DENND3: variants seen among roughly 807,000 people sequenced by gnomAD.
DENND3 encodes the protein DENN domain containing 3, also known as DENN domain-containing protein 3.
A neutral mutation model predicts 135.1 loss-of-function variants in DENND3; 88 were observed. That is an observed-to-expected ratio of 0.65 (90% CI 0.55 to 0.78). The LOEUF (loss-of-function observed/expected upper bound fraction) is 0.78, where lower values mean the gene tolerates loss of function less well. DENND3 is among the 30% of genes least tolerant of loss of function. DENND3 has a pLI of 0.00. For missense variants in DENND3, 1,392 were observed against 1,688.4 expected (o/e 0.82, Z 3.08); for synonymous variants, 693 against 712.3 (o/e 0.97, Z 0.43).
In DENND3 at chr8:141,168,624, C is replaced by T; in HGVS notation, c.2275+99C>T. On this transcript the variant is annotated intron_variant, in intron 13 of 22. Transcript: ENST00000519811. This position sits in a 1 kb window ranked among gnomAD's most constrained non-coding sequence, Gnocchi z 6.2. Reference sequence around the variant, plus strand: ...GTGGACTGGCAATCACAGCTCACTGCAACCTCCACCTCCTGGGCTCAAGCA... The same window carrying T: ...GTGGACTGGCAATCACAGCTCACTGTAACCTCCACCTCCTGGGCTCAAGCA... The T allele has an allele frequency of 7.1e-7, 1 of 1,404,722 alleles. No homozygotes were observed. The highest frequency in any genetic ancestry group is 9.5e-7 in the Non-Finnish European group (1 of 1,050,118). The allele number at this position is 1,404,722 out of a possible 1,614,324, so 87.0% of individuals were successfully genotyped here.
rs1186304338 is a variant in DENND3, at chr8:141,190,116, AGG to A, written c.3246-167_3246-166del. 9.9e-3 allele frequency among the ~76,000 whole-genome samples: 1,469 copies of A among 149,014 alleles called. 13 individuals are homozygous for A. Among genetic ancestry groups the A allele is most frequent in the South Asian group, 0.029 (135 of 4,708 alleles). On this transcript the variant is annotated intron_variant, in intron 19 of 22. Coordinates refer to ENST00000519811, the MANE Select transcript of DENND3 (RefSeq NM_001352890.3). ...GTTTGCATGTTATTATCATGTTTGC[AGG>A]TTACGTTTGCAGGTTATTATGTTTG... is the stretch of plus-strand genomic sequence containing the variant.
intron 15 of DENND3, chr8:141,177,402 CAGAA>C (rs1822528712): frequency 6.5e-6 from 1 of 152,698 alleles, no homozygotes; most frequent in Non-Finnish European, 1.5e-5. Context: ...GCGGAACTCA[CAGAA>C]AGGGAACAGT....
At chr8:141,180,897 A>G (rs1244694098) in intron 17 of DENND3, 43 bp downstream of exon 17, 1 of 1,534,648 alleles carries the variant, frequency 6.5e-7, no homozygotes, top group Admixed American at 1.7e-5. Flanking sequence ...TTTTCAGCCA[A>G]TCTGATGCGC....
At chr8:141,190,595 G>C in intron 20 of DENND3, 178 bp downstream of exon 20, 2 of 985,126 alleles carry the variant, frequency 2.0e-6, no homozygotes, top group Non-Finnish European at 2.8e-6. Flanking sequence ...TGCTGCTCCT[G>C]GGGGCTCCCC....
At position 141,190,276 on chromosome 8, in the gene DENND3, G is replaced by T; in HGVS notation, c.3246-8G>T. ...TTAAAGGTGTGTGTGTGTGTTTTGTGCCCCCAGCAACGTGTACTCGTGCAG... is the reference window on the plus strand; with the variant it reads ...TTAAAGGTGTGTGTGTGTGTTTTGTTCCCCCAGCAACGTGTACTCGTGCAG... On this transcript the variant is annotated splice_polypyrimidine_tract_variant and splice_region_variant and intron_variant, in intron 19 of 22. Coordinates refer to ENST00000519811, the MANE Select transcript of DENND3 (RefSeq NM_001352890.3). 6.3e-7 allele frequency: 1 copy of T among 1,578,710 alleles called. No individual in the cohort carries two copies.
chr8:141,133,999 G>A (rs893218980), intron 1 of DENND3, among the ~76,000 whole-genome samples: 1 of 152,026 alleles, frequency 6.6e-6, no homozygotes, highest in Non-Finnish European at 1.5e-5. Flanking sequence ...CCTGGGAGTC[G>A]CAACCTGTGA....
At chr8:141,157,682 GA>G (rs1333101370) in intron 8 of DENND3, 1 of 985,732 alleles carries the variant, frequency 1.0e-6, no homozygotes, top group African/African-American at 1.7e-5. Context: ...TGGCTTTTCT[GA>G]TTTCTGACTC....
Position 141,137,206 on chromosome 8 carries a change from T to C in DENND3, c.385+415T>C, listed in dbSNP as rs1370294474. On this transcript the variant is annotated intron_variant, in intron 2 of 22. Coordinates refer to ENST00000519811, the MANE Select transcript of DENND3 (RefSeq NM_001352890.3). This position sits in a 1 kb window ranked among gnomAD's most constrained non-coding sequence, Gnocchi z 4.1. ...TGTTGGCCAGGCTGGTCTTGAACTC[T>C]TGGCCTCAAGTGATCCACCTGCCTT... is the stretch of plus-strand genomic sequence containing the variant. Among the ~76,000 whole-genome samples, 1 of 152,076 alleles carries C rather than the reference T, an allele frequency of 6.6e-6. No individual in the cohort carries two copies. Among genetic ancestry groups the C allele is most frequent in the Non-Finnish European group, 1.5e-5 (1 of 68,014 alleles).
At position 141,190,287 on chromosome 8, in the gene DENND3, C is replaced by T. The variant is rs768103563; in HGVS notation, c.3249C>T (p.Asn1083=). Residue 1083 remains asparagine, a synonymous_variant, in exon 20 of 23, where the codon AAC becomes AAT. Coordinates refer to ENST00000519811, the MANE Select transcript of DENND3 (RefSeq NM_001352890.3). ...TGTGTGTGTTTTGTGCCCCCAGCAA[C>T]GTGTACTCGTGCAGCATGGACGGCA... is the stretch of plus-strand genomic sequence containing the variant. ...IVQDGQEAPS[N]VYSCSMDGMV... The T allele has an allele frequency of 3.8e-6, 6 of 1,589,732 alleles. No homozygotes were observed. The highest frequency in any genetic ancestry group is 2.7e-5 in the African/African-American group (2 of 74,424).
intron 16 of DENND3, among the ~76,000 whole-genome samples, chr8:141,179,240 G>C (rs1278165155): frequency 6.6e-6 from 1 of 152,232 alleles, no homozygotes; most frequent in Non-Finnish European, 1.5e-5. Context: ...TGCAAGGCCA[G>C]CTGAGTGGCT....
At chr8:141,142,090 A>C in intron 4 of DENND3, 1 of 304,688 alleles carries the variant, frequency 3.3e-6, no homozygotes, top group Non-Finnish European at 6.4e-6. Context: ...TGGTGAGTAG[A>C]AAGGCTGAGG....
At position 141,174,134 on chromosome 8, in the gene DENND3, G is replaced by A. The variant is rs531557535; in HGVS notation, c.2276-1066G>A. ...AGTGTGTGTGTGCGTGTAACAACAC[G>A]ACCTGTTTGGGAGCATGCTTGGTAC... On this transcript the variant is annotated intron_variant, in intron 13 of 22. Coordinates refer to ENST00000519811, the MANE Select transcript of DENND3 (RefSeq NM_001352890.3). This position sits in a 1 kb window ranked among gnomAD's most constrained non-coding sequence, Gnocchi z 4.6. Among the ~76,000 whole-genome samples the A allele has an allele frequency of 2.6e-5, 4 of 152,134 alleles. No individual in the cohort carries two copies. Among genetic ancestry groups the A allele is most frequent in the Admixed American group, 6.5e-5 (1 of 15,276 alleles).
intron 8 of DENND3, chr8:141,158,341 T>C: frequency 8.2e-7 from 1 of 1,226,842 alleles, no homozygotes; most frequent in Non-Finnish European, 1.0e-6. Flanking sequence ...GTAATAGAAC[T>C]GAGCTTTGTG....
chr8:141,140,286 G>T (rs566585893), intron 3 of DENND3, among the ~76,000 whole-genome samples: 3 of 152,134 alleles, frequency 2.0e-5, no homozygotes, highest in Admixed American at 2.0e-4. Flanking sequence ...GTGACTTGAG[G>T]GTGGGAACCA....
chr8:141,168,553 AT>A lies in DENND3; in HGVS notation c.2275+32del. 3.2e-6 allele frequency: 5 copies of A among 1,575,104 alleles called. No individual in the cohort carries two copies. The highest frequency in any genetic ancestry group is 4.3e-6 in the Non-Finnish European group (5 of 1,157,868). ...AAGAGGAGGCCTGGCACCATCACAG[AT>A]TTTATTATTTAGAGACAGGGTCTGG... On this transcript the variant is annotated intron_variant, in intron 13 of 22. Transcript: ENST00000519811. The surrounding 1 kb of genome is among the most constrained non-coding windows in gnomAD (Gnocchi z 6.2).
chr8:141,177,301 T>C (rs754594003), intron 15 of DENND3: 1 of 153,796 alleles, frequency 6.5e-6, no homozygotes. Flanking sequence ...AAGGGAACCA[T>C]GGGCCGGTGG....
Position 141,128,631 on chromosome 8 carries a change from C to T in DENND3, c.-77C>T. The T allele has an allele frequency of 1.1e-6, 1 of 928,314 alleles. No homozygotes were observed. Among genetic ancestry groups the T allele is most frequent in the Non-Finnish European group, 1.4e-6 (1 of 728,040 alleles). 57.5% of individuals were successfully genotyped at this position (928,314 alleles called of 1,614,324 possible). ...CGCCCCCGGCCCCCAGGCGGCGCGG[C>T]TGGTCCCCAGGGGTCTGCGGGCGAC... On this transcript the variant is annotated 5_prime_UTR_variant, in exon 1 of 23. Transcript: ENST00000519811. The surrounding 1 kb of genome is among the most constrained non-coding windows in gnomAD (Gnocchi z 4.5).
intron 5 of DENND3, chr8:141,150,346 A>C: frequency 3.1e-6 from 4 of 1,272,748 alleles, no homozygotes; most frequent in Non-Finnish European, 4.1e-6. Flanking sequence ...GTGTGACTTC[A>C]AAGTAATACA....
intron 1 of DENND3, among the ~76,000 whole-genome samples, chr8:141,133,840 A>C (rs1816452329): frequency 6.6e-6 from 1 of 152,164 alleles, no homozygotes; most frequent in African/African-American, 2.4e-5. Context: ...AATTTTTGAG[A>C]CCGTAAGTTT....
Sources: gnomAD v4.1 joint callset for allele counts (sites outside exome capture counted in the v4.1 genomes callset) on GRCh38, gnomAD v4.1.1 for gene constraint, Gnocchi (gnomAD v3.1) non-coding constraint, MANE v1.5 for transcripts, NCBI Gene and HGNC (gene_info 2026-07-23, HGNC 2026-07-21) for gene names.